The following IPO11 variants were observed in gnomAD, a reference collection of about 807,000 sequenced individuals.
IPO11 encodes importin-11.
IPO11 carries 66 observed loss-of-function variants against 143.2 expected under a neutral mutation model. That is an observed-to-expected ratio of 0.46 (90% CI 0.38 to 0.57). IPO11 has a LOEUF of 0.57. IPO11 is among the 20% of genes least tolerant of loss of function. The pLI, the probability that IPO11 is intolerant of heterozygous loss-of-function variation, is 0.00. For synonymous variants in IPO11, 385 were observed against 377.8 expected, an observed-to-expected ratio of 1.02 and a Z score of -0.22; for missense variants, 1,026 against 1,141.0, an observed-to-expected ratio of 0.90 and a Z score of 1.45.
chr5:62,486,992 C>T (rs753529062), intron 12 of IPO11, among the ~76,000 whole-genome samples: 9 of 151,628 alleles, frequency 5.9e-5, no homozygotes, highest in African/African-American at 1.5e-4. Flanking sequence ...ATATTGTGAA[C>T]GATCTAGTGA....
chr5:62,488,071 T>TGTA (rs923616752), intron 13 of IPO11, among the ~76,000 whole-genome samples: 1 of 152,226 alleles, frequency 6.6e-6, no homozygotes, highest in Admixed American at 6.5e-5. Flanking sequence ...TAAATTTTCC[T>TGTA]GTAGTAAATA....
intron 24 of IPO11, among the ~76,000 whole-genome samples, chr5:62,547,166 CA>C (rs199524909): frequency 6.6e-6 from 1 of 151,862 alleles, no homozygotes; most frequent in Non-Finnish European, 1.5e-5. Context: ...TGTAACGTTA[CA>C]AAAAAAGTAA....
At chr5:62,463,570 T>C (rs1405248355) in intron 5 of IPO11, among the ~76,000 whole-genome samples, 1 of 150,828 alleles carries the variant, frequency 6.6e-6, no homozygotes. Flanking sequence ...ACTCAGGAGG[T>C]TGAGGTGAGG....
intron 5 of IPO11, among the ~76,000 whole-genome samples, chr5:62,460,780 G>A (rs1745330237): frequency 6.6e-6 from 1 of 152,100 alleles, no homozygotes; most frequent in African/African-American, 2.4e-5. Context: ...TTTGCATATT[G>A]TCTCACTGAA....
intron 27 of IPO11, among the ~76,000 whole-genome samples, chr5:62,584,671 A>C (rs372198892): frequency 8.7e-5 from 13 of 149,424 alleles, no homozygotes; most frequent in African/African-American, 3.2e-4. Flanking sequence ...AATAGTAACA[A>C]GGTAATAGGC....
At chr5:62,626,152 C>G (rs1029645285) in intron 29 of IPO11, among the ~76,000 whole-genome samples, 1 of 152,168 alleles carries the variant, frequency 6.6e-6, no homozygotes. Flanking sequence ...GCCTCAGCCT[C>G]CCAAGTAGCT....
At chr5:62,531,564 G>A (rs958718016) in intron 22 of IPO11, among the ~76,000 whole-genome samples, 5 of 152,060 alleles carry the variant, frequency 3.3e-5, no homozygotes, top group South Asian at 2.1e-4. Context: ...TCCTGACCTC[G>A]TGATCTGCCT....
At chr5:62,590,403 T>C (rs1744965563) in intron 27 of IPO11, among the ~76,000 whole-genome samples, 1 of 152,226 alleles carries the variant, frequency 6.6e-6, no homozygotes, top group Admixed American at 6.5e-5. Flanking sequence ...TTGTGGGTTT[T>C]AGTGCCTAAA....
rs1448446310 is a variant in IPO11, at chr5:62,483,293, G to A, written c.1021G>A (p.Asp341Asn). The change falls in exon 10 of 30, where the codon GAT becomes AAT. Residue 341 changes from aspartate (D) to asparagine (N), a missense_variant and splice_region_variant. Coordinates refer to ENST00000325324, the MANE Select transcript of IPO11 (RefSeq NM_016338.5). Reference sequence around the variant, plus strand: ...TTATAAGCCATCCAAAAATTTTGAAGGTAATTCCTTTATTGGCAGTTTAAA... The same window carrying A: ...TTATAAGCCATCCAAAAATTTTGAAAGTAATTCCTTTATTGGCAGTTTAAA... The part of the protein sequence containing the change: ...YAYKPSKNFE[D>N]SSPETLEAHK... 6.6e-7 allele frequency: 1 copy of A among 1,517,214 alleles called. No homozygotes were observed. 94.0% of individuals were successfully genotyped at this position (1,517,214 alleles called of 1,614,324 possible).
intron 15 of IPO11, among the ~76,000 whole-genome samples, chr5:62,492,160 T>A (rs1746637965): frequency 6.6e-6 from 1 of 152,212 alleles, no homozygotes; most frequent in African/African-American, 2.4e-5. Context: ...TGATCTATAC[T>A]TTTACTTCTG....
At chr5:62,534,891 A>G (rs1189345408) in intron 22 of IPO11, among the ~76,000 whole-genome samples, 1 of 152,130 alleles carries the variant, frequency 6.6e-6, no homozygotes, top group Admixed American at 6.5e-5. Flanking sequence ...TTGAAGTATA[A>G]CTTCTTGGTA....
At chr5:62,548,997 T>C (rs898974353) in intron 24 of IPO11, among the ~76,000 whole-genome samples, 2 of 152,182 alleles carry the variant, frequency 1.3e-5, no homozygotes, top group Non-Finnish European at 2.9e-5. Flanking sequence ...AGATAAATAC[T>C]GTCTGGTGAT....
chr5:62,438,274 G>A (rs1261913506), intron 2 of IPO11, among the ~76,000 whole-genome samples: 1 of 151,990 alleles, frequency 6.6e-6, no homozygotes, highest in African/African-American at 2.4e-5. Context: ...ATGACAGTAA[G>A]GGAAATTGTT....
At chr5:62,527,988 A>C (rs1053921750) in intron 21 of IPO11, among the ~76,000 whole-genome samples, 13 of 152,154 alleles carry the variant, frequency 8.5e-5, no homozygotes, top group Non-Finnish European at 1.3e-4. Context: ...CTACCCTTAC[A>C]TGGTTGTTGT....
chr5:62,467,044 A>G (rs1745596905), intron 5 of IPO11, 87 bp from the exon 6 acceptor site: 5 of 1,264,250 alleles, frequency 4.0e-6, no homozygotes, highest in Admixed American at 2.7e-5. Context: ...GCTTAGTTGT[A>G]AAACTAAAAT....
At chr5:62,440,334 T>C (rs1426204616) in intron 2 of IPO11, among the ~76,000 whole-genome samples, 3 of 151,686 alleles carry the variant, frequency 2.0e-5, no homozygotes, top group East Asian at 2.0e-4. Flanking sequence ...AAATTGGCTG[T>C]ATAGTGTACG....
Position 62,550,461 on chromosome 5 carries a change from A to T in IPO11, c.2345A>T (p.Glu782Val). The T allele has an allele frequency of 6.2e-7, 1 of 1,601,458 alleles. No individual in the cohort carries two copies. The highest frequency in any genetic ancestry group is 2.2e-5 in the East Asian group (1 of 44,710). ...GTTTTCAAGGGTATTATAGAAGGGG[A>T]GGTAAGATTTTTCTTTAAGTTCCAA... ...PYVFKGIIEG[E>V]RYPVVMSTYL... is the part of the protein sequence containing the mutation. The change falls in exon 25 of 30, where the codon GAG becomes GTG. Residue 782 changes from glutamate (E) to valine (V), a missense_variant and splice_region_variant. This residue lies in a region of IPO11 where 351 missense variants were observed against 358.9 expected (regional missense o/e 0.98). Coordinates refer to ENST00000325324, the MANE Select transcript of IPO11 (RefSeq NM_016338.5).
At chr5:62,443,414 T>TGTGTGC (rs956190124) in intron 3 of IPO11, 3 of 142,798 alleles carry the variant, frequency 2.1e-5, no homozygotes, top group African/African-American at 8.9e-5. Flanking sequence ...TGTGTGTGTG[T>TGTGTGC]GTGTGTGCGT....
At position 62,601,801 on chromosome 5, in the gene IPO11, A is replaced by G. The variant is rs763188480; in HGVS notation, c.2716A>G (p.Thr906Ala). 6 of 1,597,498 alleles carry G rather than the reference A, an allele frequency of 3.8e-6. No homozygotes were observed. Among genetic ancestry groups the G allele is most frequent in the Non-Finnish European group, 5.1e-6 (6 of 1,171,674 alleles). Residue 906 changes from threonine to alanine, a missense_variant, in exon 29 of 30, where the codon ACA becomes GCA. Transcript: ENST00000325324. ...LMSHLEEPKV[T>A]EDEEPPTEQD... Reference sequence around the variant, plus strand: ...GTCTCATCTTGAGGAACCAAAAGTAACAGAAGATGAAGAACCACCCACAGA... The same window carrying G: ...GTCTCATCTTGAGGAACCAAAAGTAGCAGAAGATGAAGAACCACCCACAGA...
Sources: allele counts gnomAD v4.1 joint callset (sites outside exome capture counted in the v4.1 genomes callset), GRCh38; gene constraint gnomAD v4.1.1; regional missense constraint gnomAD v4.1.1; transcripts MANE v1.5; gene names NCBI Gene and HGNC (gene_info 2026-07-23, HGNC 2026-07-21).